POLR3G: variants seen among roughly 807,000 people sequenced by gnomAD.
POLR3G encodes DNA-directed RNA polymerase III subunit RPC7.
A neutral mutation model predicts 30.1 loss-of-function variants in POLR3G; 28 were observed. The observed-to-expected ratio is 0.93, with a 90% CI of 0.69 to 1.27. The LOEUF is 1.27. Ranked by LOEUF, POLR3G falls within the 50% of genes most tolerant of loss-of-function variation. POLR3G has a pLI of 0.00. For synonymous variants in POLR3G, 79 were observed against 82.5 expected, an observed-to-expected ratio of 0.96 and a Z score of 0.23; for missense variants, 254 against 264.6, an observed-to-expected ratio of 0.96 and a Z score of 0.28.
At chr5:90,502,790 G>A (rs982074953) in intron 6 of POLR3G, among the ~76,000 whole-genome samples, 1 of 135,028 alleles carries the variant, frequency 7.4e-6, no homozygotes, top group African/African-American at 2.8e-5. Flanking sequence ...TCTGTGTAGA[G>A]TTACCTCATC....
At chr5:90,478,566 G>GTTTTTTTTTTTTTT (rs1561245449) in intron 1 of POLR3G, among the ~76,000 whole-genome samples, 66 of 30,936 alleles carry the variant, frequency 2.1e-3, no homozygotes, top group East Asian at 3.7e-3. Context: ...AATCTGCGTG[G>GTTTTTTTTTTTTTT]TTCTTTTTTT....
At chr5:90,476,174 C>T (rs1401322653) in intron 1 of POLR3G, among the ~76,000 whole-genome samples, 4 of 152,184 alleles carry the variant, frequency 2.6e-5, no homozygotes, top group Admixed American at 6.5e-5. Context: ...GAGAGGTGTA[C>T]GCTCCTTTCC....
chr5:90,484,218 T>C (rs1751294905), intron 1 of POLR3G, among the ~76,000 whole-genome samples: 1 of 152,140 alleles, frequency 6.6e-6, no homozygotes, highest in African/African-American at 2.4e-5. Context: ...CCACTCACAG[T>C]TTCTTTTTTC....
At chr5:90,511,974 C>CAGAG in intron 7 of POLR3G, 79 bp from the exon 8 acceptor site, 1 of 957,624 alleles carries the variant, frequency 1.0e-6, no homozygotes. Context: ...AGATAAAAAG[C>CAGAG]AGAGACTTTT....
At chr5:90,474,384 G>A, upstream of POLR3G, 1 of 1,206,448 alleles carries the variant, frequency 8.3e-7, no homozygotes, top group Non-Finnish European at 1.2e-6. Flanking sequence ...TGTGTGAAGC[G>A]GTCTGCCTGC....
intron 1 of POLR3G, among the ~76,000 whole-genome samples, chr5:90,476,270 G>C (rs974393771): frequency 6.6e-6 from 1 of 152,086 alleles, no homozygotes; most frequent in Non-Finnish European, 1.5e-5. Flanking sequence ...CTCAGCTGGG[G>C]GCTTTCCTTA....
Position 90,506,618 on chromosome 5 carries a change from G to T in POLR3G, c.529G>T (p.Asp177Tyr). The change falls in exon 7 of 8, where the codon GAC becomes TAC. Residue 177 changes from aspartate (D) to tyrosine (Y), a missense_variant. Asp to Tyr is a radical substitution (Grantham distance 160, BLOSUM62 -3). Transcript: ENST00000651687. ...SKEKSKEGDD[D>Y]DDDDAAEQEE... ...AGAGAAAAGTAAAGAAGGTGATGAT[G>T]ACGATGACGATGATGCCGCAGAACA... The T allele has an allele frequency of 6.2e-7, 1 of 1,613,474 alleles. No homozygotes were observed. The highest frequency in any genetic ancestry group is 8.5e-7 in the Non-Finnish European group (1 of 1,179,638).
At chr5:90,502,398 T>C in intron 6 of POLR3G, 1 of 887,522 alleles carries the variant, frequency 1.1e-6, no homozygotes, top group Non-Finnish European at 1.3e-6. Context: ...GTCTTAAGTA[T>C]TGAAGACTCT....
intron 3 of POLR3G, among the ~76,000 whole-genome samples, chr5:90,492,965 TA>T (rs1238163451): frequency 6.6e-6 from 1 of 152,130 alleles, no homozygotes; most frequent in Non-Finnish European, 1.5e-5. Flanking sequence ...AGCTAGATTC[TA>T]CTAGAAATGC....
At position 90,514,197 on chromosome 5, in the gene POLR3G, C is replaced by CAT. The variant is rs1246435605; in HGVS notation, c.*2059_*2060dup. The CAT allele has an allele frequency of 6.6e-6, 1 of 152,164 alleles. No homozygotes were observed. The highest frequency in any genetic ancestry group is 2.4e-5 in the African/African-American group (1 of 41,450). The allele number at this position is 152,164 out of a possible 1,614,324, so 9.4% of individuals were successfully genotyped here. A position where few individuals can be genotyped will look rare whatever the true frequency, so the allele number is the denominator to read the frequency against. On this transcript the variant is annotated 3_prime_UTR_variant, in exon 8 of 8. Transcript: ENST00000651687. ...CAGGATTTGCAGGTTGCTTTACCAG[C>CAT]ATGAGTCTCATTTTTCTGGCTTAAA... is the stretch of plus-strand genomic sequence containing the variant.
chr5:90,479,618 T>C (rs1018609556), intron 1 of POLR3G, among the ~76,000 whole-genome samples: 1 of 152,150 alleles, frequency 6.6e-6, no homozygotes, highest in Non-Finnish European at 1.5e-5. Context: ...TTTTTTTTAA[T>C]CTGTGTTTTA....
intron 6 of POLR3G, among the ~76,000 whole-genome samples, chr5:90,505,366 A>G (rs1002016466): frequency 2.0e-5 from 3 of 152,188 alleles, no homozygotes; most frequent in Non-Finnish European, 2.9e-5. Flanking sequence ...AAATTCTATC[A>G]TATGTGCAAA....
At chr5:90,487,452 C>T (rs1395567639) in intron 2 of POLR3G, among the ~76,000 whole-genome samples, 2 of 125,644 alleles carry the variant, frequency 1.6e-5, no homozygotes, top group African/African-American at 3.1e-5. Flanking sequence ...AGTACAGTGG[C>T]GCGATCTTGG....
rs1744732147 is a variant in POLR3G at position 90,485,511 on chromosome 5, G to A, written c.-43-14G>A. ...TTTTTTATATGTGATCCAGTAAATCGTAATCATTAATAGTGCCTTTCAGAA... is the reference window on the plus strand; with the variant it reads ...TTTTTTATATGTGATCCAGTAAATCATAATCATTAATAGTGCCTTTCAGAA... On this transcript the variant is annotated splice_polypyrimidine_tract_variant and intron_variant, in intron 1 of 7. Coordinates refer to ENST00000651687, the MANE Select transcript of POLR3G (RefSeq NM_006467.3). 11 of 1,194,928 alleles carry A rather than the reference G, an allele frequency of 9.2e-6. No individual in the cohort carries two copies. The highest frequency in any genetic ancestry group is 2.4e-5 in the East Asian group (1 of 41,912). 74.0% of individuals were successfully genotyped at this position (1,194,928 alleles called of 1,614,324 possible).
chr5:90,488,563 A>C (rs1157899521), intron 3 of POLR3G, among the ~76,000 whole-genome samples: 1 of 152,118 alleles, frequency 6.6e-6, no homozygotes, highest in Admixed American at 6.5e-5. Flanking sequence ...CTTGGAAAAC[A>C]TGACTTTTAA....
At chr5:90,483,788 A>G (rs1448420528) in intron 1 of POLR3G, among the ~76,000 whole-genome samples, 1 of 152,220 alleles carries the variant, frequency 6.6e-6, no homozygotes, top group East Asian at 1.9e-4. Context: ...TTGGCTGTCT[A>G]AAAGTGCAAT....
At chr5:90,474,064 G>A (rs529955899), upstream of POLR3G, 23 of 1,580,452 alleles carry the variant, frequency 1.5e-5, no homozygotes, top group East Asian at 3.4e-4. Flanking sequence ...ACGGCAAGCA[G>A]TGGCCGGCGC....
chr5:90,501,430 G>A (rs1483500197), intron 5 of POLR3G, among the ~76,000 whole-genome samples: 1 of 152,132 alleles, frequency 6.6e-6, no homozygotes, highest in Non-Finnish European at 1.5e-5. Context: ...CAAATCTGTA[G>A]TTGACTTTAA....
chr5:90,476,044 G>C (rs996420835), intron 1 of POLR3G, among the ~76,000 whole-genome samples: 2 of 152,168 alleles, frequency 1.3e-5, no homozygotes, highest in Non-Finnish European at 2.9e-5. Context: ...AAATTCCCTT[G>C]AGAACTTAAC....
Sources: allele counts gnomAD v4.1 joint callset (sites outside exome capture counted in the v4.1 genomes callset), GRCh38; gene constraint gnomAD v4.1.1; transcripts MANE v1.5; gene names NCBI Gene and HGNC (gene_info 2026-07-23, HGNC 2026-07-21).